The following ARID3B variants were observed in gnomAD, a reference collection of about 807,000 sequenced individuals.
The protein encoded by ARID3B is AT-rich interactive domain-containing protein 3B.
In ARID3B, 10 loss-of-function variants were observed where a neutral mutation model predicts 51.9. The ratio of observed to expected loss-of-function variants is 0.19; its 90% CI spans 0.12 to 0.33. The LOEUF (loss-of-function observed/expected upper bound fraction) is 0.33. Ranked by LOEUF, ARID3B falls within the 10% of genes least tolerant of loss-of-function variation. The pLI is 1.00. For synonymous variants in ARID3B, 205 were observed against 279.5 expected (o/e 0.73, Z 2.66); for missense variants, 483 against 716.3 (o/e 0.67, Z 3.72).
intron 2 of ARID3B, among the ~76,000 whole-genome samples, chr15:74,548,302 A>G (rs951634570): frequency 5.3e-5 from 8 of 152,174 alleles, no homozygotes; most frequent in Non-Finnish European, 1.2e-4. Context: ...TGGTAGAGCT[A>G]GGTTACTAGA....
chr15:74,558,619 A>G (rs1200292344), intron 2 of ARID3B, among the ~76,000 whole-genome samples: 2 of 152,210 alleles, frequency 1.3e-5, no homozygotes, highest in African/African-American at 4.8e-5. Context: ...ACAAGTATCA[A>G]CAGTCTGCCA....
chr15:74,589,763 T>G (rs2061796392), intron 4 of ARID3B, 57 bp from the exon 5 acceptor site: 1 of 1,529,878 alleles, frequency 6.5e-7, no homozygotes, highest in South Asian at 1.2e-5. Flanking sequence ...ACACGGAATC[T>G]TTCTTCTCAG....
chr15:74,564,947 G>A lies in ARID3B; in HGVS notation c.553-7915G>A, dbSNP rs139056752. ...TGATTACTTTGAGGTTCAGGTCCTA[G>A]GAGTTTGCTTAAATCCTTGACCTTG... is the stretch of plus-strand genomic sequence containing the variant. On this transcript the variant is annotated intron_variant, in intron 2 of 8. Transcript: ENST00000346246. 6.3e-4 allele frequency among the ~76,000 whole-genome samples: 96 copies of A among 152,058 alleles called. 1 individual carries two copies. The highest frequency in any genetic ancestry group is 2.3e-3 in the African/African-American group (94 of 41,508).
chr15:74,590,085 T>G, intron 5 of ARID3B, 82 bp downstream of exon 5: 38 of 1,371,362 alleles, frequency 2.8e-5, no homozygotes, highest in South Asian at 4.6e-5. Context: ...AGGAAGGAAA[T>G]TCCTTTGTAT....
At chr15:74,560,079 C>T (rs991353669) in intron 2 of ARID3B, among the ~76,000 whole-genome samples, 4 of 118,652 alleles carry the variant, frequency 3.4e-5, no homozygotes, top group East Asian at 2.5e-4. Context: ...GTGGCACACA[C>T]CTGTAATCCC....
intron 2 of ARID3B, among the ~76,000 whole-genome samples, chr15:74,560,863 T>C (rs911486956): frequency 6.6e-6 from 1 of 152,260 alleles, no homozygotes; most frequent in Non-Finnish European, 1.5e-5. Flanking sequence ...TGTCTATGTA[T>C]ATGTTAGCTT....
intron 2 of ARID3B, among the ~76,000 whole-genome samples, chr15:74,564,834 C>T (rs1203174510): frequency 6.6e-6 from 1 of 151,876 alleles, no homozygotes; most frequent in African/African-American, 2.4e-5. Flanking sequence ...CTCCTGGGCT[C>T]AAGTGATCCA....
chr15:74,564,397 C>G (rs1219785059), intron 2 of ARID3B, among the ~76,000 whole-genome samples: 1 of 152,176 alleles, frequency 6.6e-6, no homozygotes, highest in Non-Finnish European at 1.5e-5. Context: ...ATTAATCAGG[C>G]CAGCAGTAGA....
At chr15:74,573,569 A>T (rs781276932) in intron 4 of ARID3B, 8 of 259,200 alleles carry the variant, frequency 3.1e-5, no homozygotes, top group Admixed American at 1.0e-4. Flanking sequence ...ATCTAGTCTC[A>T]TGGAGAAAGG....
intron 4 of ARID3B, among the ~76,000 whole-genome samples, chr15:74,585,831 CT>C (rs1362851534): frequency 6.6e-6 from 1 of 152,218 alleles, no homozygotes; most frequent in Non-Finnish European, 1.5e-5. Flanking sequence ...TGAGACCAAC[CT>C]GCAGATTCTG....
intron 2 of ARID3B, among the ~76,000 whole-genome samples, chr15:74,565,348 T>C (rs1358495582): frequency 6.6e-6 from 1 of 152,168 alleles, no homozygotes; most frequent in Non-Finnish European, 1.5e-5. Context: ...CACCGCACCC[T>C]GTTCTGTGTC....
chr15:74,595,102 T>C (rs1024552098), intron 8 of ARID3B, among the ~76,000 whole-genome samples: 32 of 152,226 alleles, frequency 2.1e-4, no homozygotes, highest in African/African-American at 7.2e-4. Flanking sequence ...CTGGAGTGCA[T>C]TGGTGCGGTC....
chr15:74,594,391 T>C (rs866639558), intron 8 of ARID3B, among the ~76,000 whole-genome samples: 2 of 151,794 alleles, frequency 1.3e-5, no homozygotes, highest in African/African-American at 4.8e-5. Context: ...GAGCTTGCAG[T>C]GAGCTGAGAT....
chr15:74,545,933 T>A (rs527501235), intron 2 of ARID3B, among the ~76,000 whole-genome samples: 32 of 152,322 alleles, frequency 2.1e-4, no homozygotes, highest in African/African-American at 7.5e-4. Flanking sequence ...CTGCCTCCCA[T>A]GGATGTTGTA....
At position 74,596,790 on chromosome 15, in the gene ARID3B, C is replaced by T; in HGVS notation, c.*1016C>T. The T allele has an allele frequency of 4.7e-6, 1 of 213,002 alleles. No individual in the cohort carries two copies. Among genetic ancestry groups the T allele is most frequent in the Non-Finnish European group, 8.6e-6 (1 of 116,280 alleles). 13.2% of individuals were successfully genotyped at this position (213,002 alleles called of 1,614,324 possible). A position where few individuals can be genotyped will look rare whatever the true frequency, so the allele number is the denominator to read the frequency against. On this transcript the variant is annotated 3_prime_UTR_variant, in exon 9 of 9. Transcript: ENST00000346246. ...ATCTTTTTTATATGTGTTTTGCTGA[C>T]TTTTGTTTTTTTTTTATTTTAAAAT...
intron 2 of ARID3B, among the ~76,000 whole-genome samples, chr15:74,572,161 T>G (rs1439367087): frequency 6.6e-6 from 1 of 151,956 alleles, no homozygotes; most frequent in African/African-American, 2.4e-5. Flanking sequence ...AGGAAGCAAG[T>G]TTAAAGAATA....
At chr15:74,582,041 C>T (rs2061763777) in intron 4 of ARID3B, among the ~76,000 whole-genome samples, 2 of 152,242 alleles carry the variant, frequency 1.3e-5, no homozygotes, top group African/African-American at 4.8e-5. Context: ...GCCCAGCCAG[C>T]CTTCCACTCC....
intron 2 of ARID3B, among the ~76,000 whole-genome samples, chr15:74,548,607 T>G (rs2061624402): frequency 6.6e-6 from 1 of 152,188 alleles, no homozygotes; most frequent in Admixed American, 6.5e-5. Flanking sequence ...TTTCAGAATA[T>G]TTGCAATTAA....
Position 74,591,556 on chromosome 15 carries a change from G to A in ARID3B, c.1166-4G>A. 1.9e-6 allele frequency: 3 copies of A among 1,610,642 alleles called. No homozygotes were observed. Among genetic ancestry groups the A allele is most frequent in the Non-Finnish European group, 2.5e-6 (3 of 1,177,304 alleles). The stretch of plus-strand genomic sequence containing the variant: ...GGATTGGTCCAGCTCCAGTTCCTTT[G>A]CAGGTGATGGAGCCCCAGTGACAAC... On this transcript the variant is annotated splice_region_variant and splice_polypyrimidine_tract_variant and intron_variant, in intron 6 of 8. Coordinates refer to ENST00000346246, the MANE Select transcript of ARID3B (RefSeq NM_006465.4). The surrounding 1 kb of genome is among the most constrained non-coding windows in gnomAD (Gnocchi z 5.8).
Sources: allele counts gnomAD v4.1 joint callset (sites outside exome capture counted in the v4.1 genomes callset), GRCh38; gene constraint gnomAD v4.1.1; non-coding constraint Gnocchi (gnomAD v3.1); transcripts MANE v1.5; gene names NCBI Gene and HGNC (gene_info 2026-07-23, HGNC 2026-07-21).